FNDC3B: variants seen among roughly 807,000 people sequenced by gnomAD.
The protein encoded by FNDC3B is fibronectin type III domain containing 3B.
FNDC3B carries 12 observed loss-of-function variants against 151.5 expected under a neutral mutation model. The ratio of observed to expected loss-of-function variants is 0.08; its 90% CI spans 0.05 to 0.13. The LOEUF (loss-of-function observed/expected upper bound fraction) is 0.13, where lower values mean the gene tolerates loss of function less well. Among genes scored for constraint, FNDC3B ranks in the 10% least tolerant of loss-of-function variants. The pLI, the probability that FNDC3B is intolerant of heterozygous loss-of-function variation, is 1.00. For missense variants in FNDC3B, 1,214 were observed against 1,505.3 expected (o/e 0.81, Z 3.20); for synonymous variants, 528 against 549.0 (o/e 0.96, Z 0.54).
chr3:172,332,448 G>A (rs1732731470), intron 13 of FNDC3B, among the ~76,000 whole-genome samples: 1 of 152,130 alleles, frequency 6.6e-6, no homozygotes, highest in African/African-American at 2.4e-5. Context: ...TTTCTGTATT[G>A]TCTTCTCCCA....
intron 9 of FNDC3B, among the ~76,000 whole-genome samples, chr3:172,303,348 A>G (rs1473795457): frequency 6.6e-6 from 1 of 152,224 alleles, no homozygotes; most frequent in African/African-American, 2.4e-5. Flanking sequence ...ATGATATCAT[A>G]TAATGACATT....
At chr3:172,114,130 C>T (rs1692456105) in intron 2 of FNDC3B, among the ~76,000 whole-genome samples, 1 of 152,164 alleles carries the variant, frequency 6.6e-6, no homozygotes, top group African/African-American at 2.4e-5. Context: ...CGTTCTTACA[C>T]CTGGAGTGAA....
intron 7 of FNDC3B, among the ~76,000 whole-genome samples, chr3:172,292,989 C>T (rs548619664): frequency 9.2e-5 from 14 of 152,214 alleles, no homozygotes; most frequent in African/African-American, 3.4e-4. Flanking sequence ...GCAGACGGTA[C>T]AGGAACCTGT....
chr3:172,102,217 G>C (rs1326206377), intron 1 of FNDC3B, among the ~76,000 whole-genome samples: 1 of 152,108 alleles, frequency 6.6e-6, no homozygotes, highest in Non-Finnish European at 1.5e-5. Flanking sequence ...TTTAGCCTTA[G>C]TTACTATATT....
At chr3:172,244,457 C>G (rs1475864863) in intron 4 of FNDC3B, among the ~76,000 whole-genome samples, 1 of 152,066 alleles carries the variant, frequency 6.6e-6, no homozygotes, top group Non-Finnish European at 1.5e-5. Flanking sequence ...TATTGCTCCT[C>G]AGATTTTCTT....
chr3:172,380,406 A>G (rs1251901224), intron 24 of FNDC3B, among the ~76,000 whole-genome samples: 1 of 152,142 alleles, frequency 6.6e-6, no homozygotes, highest in Non-Finnish European at 1.5e-5. Context: ...AAGGCTTTCA[A>G]TGCTGCCCAT....
chr3:172,251,235 G>T, intron 5 of FNDC3B, 25 bp from the exon 6 acceptor site: 1 of 1,560,594 alleles, frequency 6.4e-7, no homozygotes, highest in South Asian at 1.1e-5. Context: ...ACTGAGTTTG[G>T]GTTTATCATA....
chr3:172,397,058 A>G, intron 25 of FNDC3B, 106 bp from the exon 26 acceptor site: 2 of 803,206 alleles, frequency 2.5e-6, no homozygotes, highest in Non-Finnish European at 4.0e-6. Flanking sequence ...ATAAGAGTGA[A>G]TGTGAATATA....
rs540089928 is a variant in FNDC3B at position 172,235,701 on chromosome 3, G to A, written c.264+8754G>A. ...TTGCCTTCATTTCTGGAAAGGTATAGCTGTATCCTTCCCTGCAGAGATTGT... is the reference window on the plus strand; with the variant it reads ...TTGCCTTCATTTCTGGAAAGGTATAACTGTATCCTTCCCTGCAGAGATTGT... On this transcript the variant is annotated intron_variant, in intron 4 of 25. Transcript: ENST00000415807. 3.9e-5 allele frequency among the ~76,000 whole-genome samples: 6 copies of A among 152,340 alleles called. No homozygotes were observed. The South Asian group carries it at 1.2e-3, about 32-fold the overall frequency.
chr3:172,142,924 C>T (rs1347509777), intron 3 of FNDC3B, among the ~76,000 whole-genome samples: 1 of 152,184 alleles, frequency 6.6e-6, no homozygotes, highest in African/African-American at 2.4e-5. Context: ...GGCAGTTTCT[C>T]TCTGTGTCCT....
chr3:172,393,219 C>T (rs1197916560), intron 25 of FNDC3B, among the ~76,000 whole-genome samples: 1 of 151,930 alleles, frequency 6.6e-6, no homozygotes, highest in African/African-American at 2.4e-5. Context: ...AAATAGAAAC[C>T]AAAAGAAAGC....
At position 172,378,443 on chromosome 3, in the gene FNDC3B, A is replaced by G. The variant is rs759536440; in HGVS notation, c.3175+7A>G. ...GTCCCCCCCACCATCAAAGGTGTGT[A>G]GACTATGTATTCTTTCTCGCTCTCT... On this transcript the variant is annotated splice_region_variant and intron_variant, in intron 24 of 25. Transcript: ENST00000415807. 4.0e-5 allele frequency: 64 copies of G among 1,599,378 alleles called. No individual in the cohort carries two copies. Among genetic ancestry groups the G allele is most frequent in the Non-Finnish European group, 5.4e-5 (63 of 1,174,808 alleles).
rs113862376 is a variant in FNDC3B at position 172,092,553 on chromosome 3, T to A, written c.-28-19899T>A. Among the ~76,000 whole-genome samples, 489 of 152,262 alleles carry A rather than the reference T, an allele frequency of 3.2e-3. 1 individual carries two copies. The highest frequency in any genetic ancestry group is 5.2e-3 in the Non-Finnish European group (352 of 68,002). Reference sequence around the variant, plus strand: ...ATTTCAGGTATGGGAGAAAGTCTAGTCATTACCCAGTCCATCACCCTCCTT... The same window carrying A: ...ATTTCAGGTATGGGAGAAAGTCTAGACATTACCCAGTCCATCACCCTCCTT... On this transcript the variant is annotated intron_variant, in intron 1 of 25. Transcript: ENST00000415807.
At chr3:172,090,425 T>TAAACAAAC (rs60240731) in intron 1 of FNDC3B, among the ~76,000 whole-genome samples, 252 of 150,334 alleles carry the variant, frequency 1.7e-3, no homozygotes, top group Middle Eastern at 6.8e-3. Flanking sequence ...TGACCAAAAA[T>TAAACAAAC]AAACAAACAA....
intron 17 of FNDC3B, among the ~76,000 whole-genome samples, chr3:172,342,708 T>C (rs539886646): frequency 2.0e-4 from 31 of 152,318 alleles, no homozygotes; most frequent in African/African-American, 7.5e-4. Flanking sequence ...TAATTTTGAT[T>C]TGAAGGAAAA....
intron 14 of FNDC3B, among the ~76,000 whole-genome samples, chr3:172,334,094 T>C (rs1170394638): frequency 6.6e-6 from 1 of 152,248 alleles, no homozygotes. Flanking sequence ...CATTCTTCTC[T>C]AAGTCAGGGA....
At chr3:172,058,796 A>G (rs958095662) in intron 1 of FNDC3B, among the ~76,000 whole-genome samples, 1 of 152,170 alleles carries the variant, frequency 6.6e-6, no homozygotes, top group Non-Finnish European at 1.5e-5. Context: ...AGAACCTGTC[A>G]TATTAGCACC....
At chr3:172,251,672 C>A in intron 6 of FNDC3B, 131 bp downstream of exon 6, 1 of 768,408 alleles carries the variant, frequency 1.3e-6, no homozygotes, top group African/African-American at 1.7e-5. Context: ...TTTGAGTAGA[C>A]CTTCTTTGAT....
intron 1 of FNDC3B, among the ~76,000 whole-genome samples, chr3:172,045,810 A>ACT (rs1716342166): frequency 1.3e-5 from 2 of 150,934 alleles, no homozygotes; most frequent in Non-Finnish European, 2.9e-5. Flanking sequence ...ATATATATAC[A>ACT]CTTTGCCTTA....
Sources: allele counts gnomAD v4.1 joint callset (sites outside exome capture counted in the v4.1 genomes callset), GRCh38; gene constraint gnomAD v4.1.1; transcripts MANE v1.5; gene names NCBI Gene and HGNC (gene_info 2026-07-23, HGNC 2026-07-21).